Variants in BLM observed in about 807,000 individuals in gnomAD.
The protein encoded by BLM is recQ-like DNA helicase BLM.
A neutral mutation model predicts 135.3 loss-of-function variants in BLM; 95 were observed. The ratio of observed to expected loss-of-function variants is 0.70; its 90% CI spans 0.59 to 0.83. BLM has a LOEUF of 0.83. Among genes scored for constraint, BLM ranks in the 40% least tolerant of loss-of-function variants. The pLI is 0.00. For synonymous variants in BLM, 520 were observed against 589.2 expected, an observed-to-expected ratio of 0.88 and a Z score of 1.70; for missense variants, 1,518 against 1,663.9, an observed-to-expected ratio of 0.91 and a Z score of 1.53.
At chr15:90,764,752 C>A (rs1040489540) in intron 8 of BLM, among the ~76,000 whole-genome samples, 1 of 152,132 alleles carries the variant, frequency 6.6e-6, no homozygotes, top group Non-Finnish European at 1.5e-5. Context: ...AAGTTTCCTG[C>A]CCTAATTCTT....
At chr15:90,720,533 A>G (rs529861413) in intron 1 of BLM, among the ~76,000 whole-genome samples, 4 of 152,308 alleles carry the variant, frequency 2.6e-5, no homozygotes, top group Non-Finnish European at 5.9e-5. Flanking sequence ...TTAGCTATAC[A>G]GATTTCTTAG....
intron 12 of BLM, among the ~76,000 whole-genome samples, chr15:90,780,755 C>T (rs774531556): frequency 1.3e-5 from 2 of 152,290 alleles, no homozygotes; most frequent in Non-Finnish European, 2.9e-5. Flanking sequence ...TGTATCCTCC[C>T]GCCAGGACAG....
At chr15:90,762,885 C>A in intron 7 of BLM, 81 bp from the exon 8 acceptor site, 1 of 1,300,186 alleles carries the variant, frequency 7.7e-7, no homozygotes, top group Non-Finnish European at 1.1e-6. Context: ...GCCAGTGATT[C>A]TGCAGGGCAA....
At chr15:90,807,241 G>A (rs745344878) in intron 19 of BLM, among the ~76,000 whole-genome samples, 3 of 152,356 alleles carry the variant, frequency 2.0e-5, no homozygotes, top group African/African-American at 4.8e-5. Context: ...GTCAACAGAA[G>A]GTTGTACATC....
At chr15:90,783,444 C>T (rs775477015) in intron 13 of BLM, among the ~76,000 whole-genome samples, 8 of 152,114 alleles carry the variant, frequency 5.3e-5, no homozygotes, top group Non-Finnish European at 1.0e-4. Context: ...AGTGATTTCC[C>T]CGCTCAGACT....
At chr15:90,800,628 C>G (rs1596265203) in intron 17 of BLM, among the ~76,000 whole-genome samples, 1 of 151,016 alleles carries the variant, frequency 6.6e-6, no homozygotes, top group East Asian at 2.0e-4. Flanking sequence ...TGCAGTGAGC[C>G]AAGATCGTGC....
chr15:90,737,783 A>T (rs531536257), intron 1 of BLM, among the ~76,000 whole-genome samples: 1 of 152,116 alleles, frequency 6.6e-6, no homozygotes, highest in Non-Finnish European at 1.5e-5. Context: ...AACAAACCAA[A>T]CCCAAAGCTA....
At chr15:90,779,818 A>G (rs1896573100) in intron 12 of BLM, among the ~76,000 whole-genome samples, 1 of 152,082 alleles carries the variant, frequency 6.6e-6, no homozygotes. Context: ...GTTATTCTTC[A>G]CCCTTAACAG....
intron 14 of BLM, among the ~76,000 whole-genome samples, chr15:90,790,004 T>G (rs1343708952): frequency 5.2e-4 from 60 of 115,696 alleles, no homozygotes; most frequent in African/African-American, 2.7e-3. Flanking sequence ...TTTTTTTTTT[T>G]TTTTTTTTTT....
At chr15:90,798,647 T>C (rs113957422) in intron 17 of BLM, among the ~76,000 whole-genome samples, 4 of 149,058 alleles carry the variant, frequency 2.7e-5, no homozygotes, top group African/African-American at 7.4e-5. Flanking sequence ...CATAACAGCA[T>C]AGAGAATAGG....
chr15:90,746,874 TA>T (rs1895514965), intron 1 of BLM, among the ~76,000 whole-genome samples: 1 of 152,198 alleles, frequency 6.6e-6, no homozygotes, highest in Admixed American at 6.5e-5. Context: ...ACTAGATGAT[TA>T]TGAAGCATAG....
At chr15:90,765,236 T>C in intron 8 of BLM, 60 bp from the exon 9 acceptor site, 1 of 1,348,224 alleles carries the variant, frequency 7.4e-7, no homozygotes, top group South Asian at 1.2e-5. Context: ...CTTTTGTAAC[T>C]TTTACATTCA....
At chr15:90,761,278 G>A in intron 7 of BLM, 23 bp downstream of exon 7, 1 of 1,445,538 alleles carries the variant, frequency 6.9e-7, no homozygotes, top group Non-Finnish European at 9.2e-7. Flanking sequence ...TAAATTGAAT[G>A]CTTATATGAA....
intron 14 of BLM, among the ~76,000 whole-genome samples, chr15:90,787,669 C>T (rs980658443): frequency 1.3e-5 from 2 of 152,138 alleles, no homozygotes; most frequent in Non-Finnish European, 2.9e-5. Flanking sequence ...CAGTTTATGG[C>T]CAGGTGCAGT....
rs1467398791 is a variant in BLM at position 90,755,028 on chromosome 15, T to G, written c.1087+90T>G. ...AAAGATTGTGTTTTGAACCTGTGGC[T>G]GTATGTTATAAAATGGCAGATTTGT... On this transcript the variant is annotated intron_variant, in intron 5 of 21. Transcript: ENST00000355112. 6 of 1,495,118 alleles carry G rather than the reference T, an allele frequency of 4.0e-6. No individual in the cohort carries two copies. In the Admixed American group the frequency reaches 1.1e-4, roughly 28 times the overall value. 92.6% of individuals were successfully genotyped at this position (1,495,118 alleles called of 1,614,324 possible). A position where few individuals can be genotyped will look rare whatever the true frequency, so the allele number is the denominator to read the frequency against.
intron 9 of BLM, 21 bp downstream of exon 9, chr15:90,765,435 T>C (rs368200240): frequency 1.4e-5 from 21 of 1,507,110 alleles, no homozygotes; most frequent in Middle Eastern, 3.4e-4. Flanking sequence ...AAAATACTAA[T>C]AAAAACACGC....
intron 2 of BLM, among the ~76,000 whole-genome samples, chr15:90,748,017 A>G (rs111560806): frequency 0.079 from 11,941 of 151,192 alleles, 558 homozygotes; most frequent in Non-Finnish European, 0.089. Flanking sequence ...CTTGTTAGCC[A>G]GGATGGTCTC....
chr15:90,755,282 C>T (rs567374249), intron 5 of BLM: 20 of 316,672 alleles, frequency 6.3e-5, no homozygotes, highest in South Asian at 4.0e-4. Flanking sequence ...TTCAGAAACA[C>T]GGACCACAGA....
intron 12 of BLM, among the ~76,000 whole-genome samples, chr15:90,774,694 C>T (rs1308100814): frequency 6.6e-6 from 1 of 150,864 alleles, no homozygotes; most frequent in East Asian, 2.0e-4. Flanking sequence ...ATTAGCCGGG[C>T]GTGGTGGCAT....
Sources: gnomAD v4.1 joint callset for allele counts (sites outside exome capture counted in the v4.1 genomes callset) on GRCh38, gnomAD v4.1.1 for gene constraint, MANE v1.5 for transcripts, NCBI Gene and HGNC (gene_info 2026-07-23, HGNC 2026-07-21) for gene names.